ARB2A: variants seen among roughly 807,000 people sequenced by gnomAD.
The protein encoded by ARB2A is cotranscriptional regulator ARB2A.
At chr5:93,853,333 C>T in the ARB2A span, among the ~76,000 whole-genome samples, 2 of 152,142 alleles carry the variant, frequency 1.3e-5, no homozygotes, top group East Asian at 3.8e-4. Context: ...GCTGAAGTTG[C>T]TTATCAGCTT....
chr5:94,048,887 T>C, the ARB2A span, among the ~76,000 whole-genome samples: 2 of 152,184 alleles, frequency 1.3e-5, no homozygotes, highest in Non-Finnish European at 1.5e-5. Flanking sequence ...GAGCAAAAGC[T>C]GTCAAAGTCT....
the ARB2A span, among the ~76,000 whole-genome samples, chr5:93,883,151 G>A: frequency 6.6e-6 from 1 of 151,116 alleles, no homozygotes; most frequent in African/African-American, 2.4e-5. Context: ...TGATATTATT[G>A]TCTAAAACGA....
the ARB2A span, among the ~76,000 whole-genome samples, chr5:93,653,571 T>C: frequency 7.2e-6 from 1 of 138,534 alleles, no homozygotes; most frequent in East Asian, 2.1e-4. Context: ...TTAATTCTTC[T>C]TTTGCAATAT....
the ARB2A span, among the ~76,000 whole-genome samples, chr5:93,702,172 G>GT: frequency 6.6e-6 from 1 of 152,118 alleles, no homozygotes; most frequent in Non-Finnish European, 1.5e-5. Context: ...AGTAAAGACC[G>GT]TAACTTATAC....
the ARB2A span, among the ~76,000 whole-genome samples, chr5:94,092,799 A>G: frequency 6.6e-6 from 1 of 152,180 alleles, no homozygotes; most frequent in Admixed American, 6.5e-5. Context: ...TTTAAGTTCT[A>G]TTAGATGCTC....
the ARB2A span, among the ~76,000 whole-genome samples, chr5:94,010,410 C>T: frequency 1.3e-5 from 2 of 152,082 alleles, no homozygotes; most frequent in Non-Finnish European, 2.9e-5. Context: ...AGAAAACATA[C>T]ATTTTATGAC....
chr5:93,836,181 C>A, the ARB2A span, among the ~76,000 whole-genome samples: 1 of 152,156 alleles, frequency 6.6e-6, no homozygotes, highest in Non-Finnish European at 1.5e-5. Flanking sequence ...GCGCCCCCCA[C>A]CACGCCCGGC....
chr5:93,812,847 C>A, the ARB2A span, among the ~76,000 whole-genome samples: 33 of 152,198 alleles, frequency 2.2e-4, no homozygotes, highest in African/African-American at 7.9e-4. Flanking sequence ...GAGAAAAATT[C>A]ATATAAGGTA....
chr5:93,934,041 G>C, the ARB2A span, among the ~76,000 whole-genome samples: 108 of 151,922 alleles, frequency 7.1e-4, 3 homozygotes, highest in South Asian at 0.022. Context: ...GGGCAAACTG[G>C]AGAGAAAATA....
At chr5:93,670,386 T>C in the ARB2A span, among the ~76,000 whole-genome samples, 2 of 152,228 alleles carry the variant, frequency 1.3e-5, no homozygotes, top group Non-Finnish European at 2.9e-5. Context: ...CTCCTTGTTC[T>C]ACCTGCTACA....
the ARB2A span, among the ~76,000 whole-genome samples, chr5:93,851,378 A>G: frequency 0.023 from 3,521 of 152,218 alleles, 79 homozygotes; most frequent in Non-Finnish European, 0.031. Context: ...TCATTGTAGT[A>G]ATTTTGTTGG....
the ARB2A span, among the ~76,000 whole-genome samples, chr5:93,766,086 T>C: frequency 5.3e-5 from 8 of 152,158 alleles, no homozygotes; most frequent in African/African-American, 1.9e-4. Flanking sequence ...ATAAAAATCC[T>C]AGAAGAAAAC....
chr5:93,780,851 G>A, the ARB2A span, among the ~76,000 whole-genome samples: 3 of 152,058 alleles, frequency 2.0e-5, no homozygotes, highest in African/African-American at 4.8e-5. Flanking sequence ...GAGCCACCAC[G>A]CCTGGCCTGA....
the ARB2A span, among the ~76,000 whole-genome samples, chr5:94,014,178 T>TGGTA: frequency 6.6e-6 from 1 of 151,682 alleles, no homozygotes; most frequent in African/African-American, 2.4e-5. Context: ...GAATCAAGAG[T>TGGTA]GGTAGTTCAT....
the ARB2A span, chr5:93,740,972 C>T: frequency 6.2e-7 from 1 of 1,613,898 alleles, no homozygotes; most frequent in East Asian, 2.2e-5. Flanking sequence ...TTGCATAAGC[C>T]CAGAAGGTTC....
At chr5:94,110,665 C>G in the ARB2A span, among the ~76,000 whole-genome samples, 1 of 152,156 alleles carries the variant, frequency 6.6e-6, no homozygotes, top group South Asian at 2.1e-4. Context: ...AAGAATACAC[C>G]TTATCAATGA....
the ARB2A span, among the ~76,000 whole-genome samples, chr5:93,726,073 C>G: frequency 2.0e-5 from 3 of 152,088 alleles, no homozygotes; most frequent in Admixed American, 2.0e-4. Flanking sequence ...TAGATTCGAA[C>G]ATCAGTCAAG....
chr5:93,848,108 GGT>G, the ARB2A span, among the ~76,000 whole-genome samples: 1 of 152,218 alleles, frequency 6.6e-6, no homozygotes, highest in African/African-American at 2.4e-5. Context: ...GATGGTGCCA[GGT>G]ACAGTGGCTC....
At chr5:94,016,635 C>T in the ARB2A span, among the ~76,000 whole-genome samples, 1 of 152,116 alleles carries the variant, frequency 6.6e-6, no homozygotes, top group Non-Finnish European at 1.5e-5. Context: ...AAAATGTTTA[C>T]AACAAGCCCT....
Sources: allele counts gnomAD v4.1 joint callset (sites outside exome capture counted in the v4.1 genomes callset), GRCh38; gene constraint gnomAD v4.1.1; transcripts MANE v1.5; gene names NCBI Gene and HGNC (gene_info 2026-07-23, HGNC 2026-07-21).